MT2A: variants seen among roughly 807,000 people sequenced by gnomAD.
MT2A encodes metallothionein 2A.
In MT2A, 6 loss-of-function variants were observed where a neutral mutation model predicts 9.9. That is an observed-to-expected ratio of 0.61 (90% CI 0.33 to 1.20). The LOEUF (loss-of-function observed/expected upper bound fraction) is 1.20. Among genes scored for constraint, MT2A ranks in the 50% most tolerant of loss-of-function variants. The pLI is 0.04. For synonymous variants in MT2A, 27 were observed against 28.7 expected, an observed-to-expected ratio of 0.94 and a Z score of 0.18; for missense variants, 57 against 78.2, an observed-to-expected ratio of 0.73 and a Z score of 1.02.
intron 2 of MT2A, 86 bp from the exon 3 acceptor site, chr16:56,609,177 C>A: frequency 6.2e-7 from 1 of 1,612,522 alleles, no homozygotes; most frequent in Non-Finnish European, 8.5e-7. Context: ...ATTGTTGCCT[C>A]CTCAGTGATC....
chr16:56,609,015 T>G lies in MT2A; in HGVS notation c.52T>G (p.Ser18Ala), dbSNP rs1960000164. The G allele has an allele frequency of 6.2e-7, 1 of 1,614,006 alleles. No homozygotes were observed. The highest frequency in any genetic ancestry group is 1.1e-5 in the South Asian group (1 of 91,088). Residue 18 changes from serine to alanine, a missense_variant, in exon 2 of 3, where the codon TCC becomes GCC. Transcript: ENST00000245185. ...AGGTGACTCCTGCACCTGCGCCGGC[T>G]CCTGCAAATGCAAAGAGTGCAAATG... ...AAGDSCTCAGSCKCKECKCTS... is the reference protein window; with the variant it reads ...AAGDSCTCAGACKCKECKCTS...
chr16:56,608,819 A>C, intron 1 of MT2A, 136 bp downstream of exon 1: 1 of 1,343,030 alleles, frequency 7.4e-7, no homozygotes, highest in Non-Finnish European at 1.0e-6. Flanking sequence ...CTTTCTCTCC[A>C]TTCTAGGTTA....
Position 56,608,589 on chromosome 16 carries a change from G to A in MT2A, c.-67G>A. ...TGCTTGCCGCGCTGCACTCCACCAC[G>A]CCTCCTCCAAGTCCCAGCGAACCCG... is the stretch of plus-strand genomic sequence containing the variant. On this transcript the variant is annotated 5_prime_UTR_variant, in exon 1 of 3. Transcript: ENST00000245185. 1.2e-5 allele frequency: 20 copies of A among 1,601,930 alleles called. No homozygotes were observed. The highest frequency in any genetic ancestry group is 1.6e-5 in the Non-Finnish European group (19 of 1,169,406).
Position 56,609,266 on chromosome 16 carries a change from G to C in MT2A, c.98G>C (p.Cys33Ser). 6.2e-7 allele frequency: 1 copy of C among 1,614,220 alleles called. No homozygotes were observed. Residue 33 changes from cysteine to serine, a missense_variant, in exon 3 of 3, where the codon TGC becomes TCC. Physicochemically the swap from Cys to Ser is moderately radical, Grantham distance 112. Transcript: ENST00000245185. ...GCCGCCTCCTGTCTGCCCCCAGGCT[G>C]CTGCTCCTGCTGCCCTGTGGGCTGT... ...ECKCTSCKKSCCSCCPVGCAK... is the reference protein window; with the variant it reads ...ECKCTSCKKSSCSCCPVGCAK...
In MT2A at chr16:56,608,611, C is replaced by G; in HGVS notation, c.-45C>G. ...CACGCCTCCTCCAAGTCCCAGCGAA[C>G]CCGCGTGCAACCTGTCCCGACTCTA... is the stretch of plus-strand genomic sequence containing the variant. On this transcript the variant is annotated 5_prime_UTR_variant, in exon 1 of 3. Coordinates refer to ENST00000245185, the MANE Select transcript of MT2A (RefSeq NM_005953.5). 6.2e-7 allele frequency: 1 copy of G among 1,613,986 alleles called. No homozygotes were observed. Among genetic ancestry groups the G allele is most frequent in the Non-Finnish European group, 8.5e-7 (1 of 1,179,900 alleles).
intron 1 of MT2A, 66 bp from the exon 2 acceptor site, chr16:56,608,926 C>T (rs1163869226): frequency 6.3e-7 from 1 of 1,582,022 alleles, no homozygotes; most frequent in Non-Finnish European, 8.7e-7. Context: ...GCCCCGGGCT[C>T]TTAGTACGCC....
At position 56,608,625 on chromosome 16, in the gene MT2A, G is replaced by A; in HGVS notation, c.-31G>A. 6.2e-7 allele frequency: 1 copy of A among 1,614,144 alleles called. No homozygotes were observed. Among genetic ancestry groups the A allele is most frequent in the African/African-American group, 1.3e-5 (1 of 75,056 alleles). ...GTCCCAGCGAACCCGCGTGCAACCTGTCCCGACTCTAGCCGCCTCTTCAGC... is the reference window on the plus strand; with the variant it reads ...GTCCCAGCGAACCCGCGTGCAACCTATCCCGACTCTAGCCGCCTCTTCAGC... On this transcript the variant is annotated 5_prime_UTR_variant, in exon 1 of 3. Coordinates refer to ENST00000245185, the MANE Select transcript of MT2A (RefSeq NM_005953.5).
chr16:56,609,009 G>T lies in MT2A; in HGVS notation c.46G>T (p.Ala16Ser). The change falls in exon 2 of 3, where the codon GCC becomes TCC. Residue 16 changes from alanine to serine, a missense_variant. Physicochemically the swap from Ala to Ser is moderately conservative, Grantham distance 99. Coordinates refer to ENST00000245185, the MANE Select transcript of MT2A (RefSeq NM_005953.5). ...CCTTGCAGGTGACTCCTGCACCTGCGCCGGCTCCTGCAAATGCAAAGAGTG... is the reference window on the plus strand; with the variant it reads ...CCTTGCAGGTGACTCCTGCACCTGCTCCGGCTCCTGCAAATGCAAAGAGTG... ...SCAAGDSCTC[A>S]GSCKCKECKC... is the part of the protein sequence containing the mutation. 6.2e-7 allele frequency: 1 copy of T among 1,614,168 alleles called. No individual in the cohort carries two copies. The highest frequency in any genetic ancestry group is 8.5e-7 in the Non-Finnish European group (1 of 1,180,034).
chr16:56,609,429 C>T lies in MT2A; in HGVS notation c.*75C>T, dbSNP rs1280753702. On this transcript the variant is annotated 3_prime_UTR_variant, in exon 3 of 3. Transcript: ENST00000245185. ...CTGGATTTTTTATGTACAACCCTGA[C>T]CGTGACCGTTTGCTATATTCCTTTT... 5 of 1,539,770 alleles carry T rather than the reference C, an allele frequency of 3.2e-6. No individual in the cohort carries two copies. Among genetic ancestry groups the T allele is most frequent in the Admixed American group, 3.9e-5 (2 of 50,876 alleles).
rs1960005484 is a variant in MT2A at position 56,609,297 on chromosome 16, G to C, written c.129G>C (p.Lys43Asn). The change falls in exon 3 of 3, where the codon AAG becomes AAC. Residue 43 changes from lysine (K) to asparagine (N), a missense_variant. By Grantham distance (94) the Lys-to-Asn change is moderately conservative (BLOSUM62 0). Transcript: ENST00000245185. The part of the protein sequence containing the change: ...CCSCCPVGCA[K>N]CAQGCICKGA... ...CCTGCTGCCCTGTGGGCTGTGCCAA[G>C]TGTGCCCAGGGCTGCATCTGCAAAG... 1 of 1,614,106 alleles carries C rather than the reference G, an allele frequency of 6.2e-7. No individual in the cohort carries two copies. Among genetic ancestry groups the C allele is most frequent in the South Asian group, 1.1e-5 (1 of 91,096 alleles).
intron 2 of MT2A, 52 bp from the exon 3 acceptor site, chr16:56,609,211 T>G: frequency 2.5e-6 from 4 of 1,613,704 alleles, no homozygotes; most frequent in Non-Finnish European, 2.5e-6. Context: ...GCAGGAATCC[T>G]TATTCCCGGT....
At chr16:56,608,742 CTCTT>C (rs1213339485) in intron 1 of MT2A, 59 bp downstream of exon 1, 14 of 1,605,508 alleles carry the variant, frequency 8.7e-6, no homozygotes, top group East Asian at 4.5e-5. Context: ...TTTCTGACCC[CTCTT>C]TCTTTCTCTG....
At position 56,609,055 on chromosome 16, in the gene MT2A, A is replaced by C; in HGVS notation, c.92A>C (p.Lys31Thr). ...CKECKCTSCK[K>T]SCCSCCPVGC... is the part of the protein sequence containing the mutation. ...GAGTGCAAATGCACCTCCTGCAAGA[A>C]AAGTAAGTGGGATCCTCTCTTTCCT... The change falls in exon 2 of 3, where the codon AAA becomes ACA. Residue 31 changes from lysine to threonine, a missense_variant and splice_region_variant. Physicochemically the swap from Lys to Thr is moderately conservative, Grantham distance 78 (BLOSUM62 -1). Transcript: ENST00000245185. The C allele has an allele frequency of 6.2e-7, 1 of 1,614,190 alleles. No homozygotes were observed. The highest frequency in any genetic ancestry group is 8.5e-7 in the Non-Finnish European group (1 of 1,180,032).
At position 56,609,444 on chromosome 16, in the gene MT2A, A is replaced by G. The variant is rs1960008460; in HGVS notation, c.*90A>G. 1 of 1,477,046 alleles carries G rather than the reference A, an allele frequency of 6.8e-7. No individual in the cohort carries two copies. The highest frequency in any genetic ancestry group is 1.9e-4 in the Middle Eastern group (1 of 5,130). The allele number at this position is 1,477,046 out of a possible 1,614,324, so 91.5% of individuals were successfully genotyped here. Reference sequence around the variant, plus strand: ...ACAACCCTGACCGTGACCGTTTGCTATATTCCTTTTTCTATGAAATAATGT... The same window carrying G: ...ACAACCCTGACCGTGACCGTTTGCTGTATTCCTTTTTCTATGAAATAATGT... On this transcript the variant is annotated 3_prime_UTR_variant, in exon 3 of 3. Coordinates refer to ENST00000245185, the MANE Select transcript of MT2A (RefSeq NM_005953.5).
chr16:56,609,266 G>A lies in MT2A; in HGVS notation c.98G>A (p.Cys33Tyr). The A allele has an allele frequency of 6.2e-7, 1 of 1,614,220 alleles. No individual in the cohort carries two copies. Among genetic ancestry groups the A allele is most frequent in the Non-Finnish European group, 8.5e-7 (1 of 1,180,044 alleles). The change falls in exon 3 of 3, where the codon TGC (cysteine) becomes TAC (tyrosine). Residue 33 changes from cysteine (C) to tyrosine (Y), a missense_variant. By Grantham distance (194) the Cys-to-Tyr change is radical. Transcript: ENST00000245185. Reference protein sequence around the residue: ...ECKCTSCKKSCCSCCPVGCAK... With the variant: ...ECKCTSCKKSYCSCCPVGCAK... ...GCCGCCTCCTGTCTGCCCCCAGGCTGCTGCTCCTGCTGCCCTGTGGGCTGT... is the reference window on the plus strand; with the variant it reads ...GCCGCCTCCTGTCTGCCCCCAGGCTACTGCTCCTGCTGCCCTGTGGGCTGT...
At chr16:56,609,177 C>G (rs747011831) in intron 2 of MT2A, 86 bp from the exon 3 acceptor site, 1 of 1,612,522 alleles carries the variant, frequency 6.2e-7, no homozygotes, top group Admixed American at 1.7e-5. Context: ...ATTGTTGCCT[C>G]CTCAGTGATC....
rs751873455 is a variant in MT2A, at chr16:56,609,074, CT to C, written c.94+20del. On this transcript the variant is annotated intron_variant, in intron 2 of 2. Coordinates refer to ENST00000245185, the MANE Select transcript of MT2A (RefSeq NM_005953.5). ...GCAAGAAAAGTAAGTGGGATCCTCT[CT>C]TTCCTCTACCCCTTCCCTGTCCTCC... The C allele has an allele frequency of 1.2e-6, 2 of 1,614,130 alleles. No homozygotes were observed. The highest frequency in any genetic ancestry group is 2.2e-5 in the South Asian group (2 of 91,090).
Position 56,608,632 on chromosome 16 carries a change from C to T in MT2A, c.-24C>T. On this transcript the variant is annotated 5_prime_UTR_variant, in exon 1 of 3. Coordinates refer to ENST00000245185, the MANE Select transcript of MT2A (RefSeq NM_005953.5). The stretch of plus-strand genomic sequence containing the variant: ...CGAACCCGCGTGCAACCTGTCCCGA[C>T]TCTAGCCGCCTCTTCAGCTCGCCAT... 6.2e-7 allele frequency: 1 copy of T among 1,614,222 alleles called. No homozygotes were observed. Among genetic ancestry groups the T allele is most frequent in the South Asian group, 1.1e-5 (1 of 91,076 alleles).
Position 56,609,109 on chromosome 16 carries a change from C to T in MT2A, c.94+52C>T, listed in dbSNP as rs767294529. ...CCCCTTCCCTGTCCTCCAGCCTGTC[C>T]CCTCTCCACCATCCTCAGGGGAATT... is the stretch of plus-strand genomic sequence containing the variant. On this transcript the variant is annotated intron_variant, in intron 2 of 2. Transcript: ENST00000245185. 5 of 1,612,094 alleles carry T rather than the reference C, an allele frequency of 3.1e-6. No individual in the cohort carries two copies. In the African/African-American group the frequency reaches 5.3e-5, roughly 17 times the overall value.
Sources: gnomAD v4.1 joint callset for allele counts on GRCh38, gnomAD v4.1.1 for gene constraint, MANE v1.5 for transcripts, NCBI Gene and HGNC (gene_info 2026-07-23, HGNC 2026-07-21) for gene names.